PRKN: variants seen among roughly 807,000 people sequenced by gnomAD.
The protein encoded by PRKN is E3 ubiquitin-protein ligase parkin.
In PRKN, 56 loss-of-function variants were observed where a neutral mutation model predicts 59.5. That is an observed-to-expected ratio of 0.94 (90% confidence interval 0.76 to 1.18). PRKN has a LOEUF of 1.18. PRKN is among the 50% of genes most tolerant of loss of function. The probability of loss-of-function intolerance (pLI) is 0.00; values close to 1 mark genes in which losing one functional copy is unlikely to be tolerated. For missense variants in PRKN, 657 were observed against 596.4 expected (o/e 1.10, Z -1.06); for synonymous variants, 250 against 222.1 (o/e 1.13, Z -1.12).
chr6:161,354,428 C>T lies in PRKN; in HGVS notation c.1286-4217G>A, dbSNP rs1352783884. Among the ~76,000 whole-genome samples, 18 of 152,178 alleles carry T rather than the reference C, an allele frequency of 1.2e-4. No homozygotes were observed. The highest frequency in any genetic ancestry group is 1.2e-3 in the Admixed American group (18 of 15,282). On this transcript the variant is annotated intron_variant, in intron 11 of 11. Coordinates refer to ENST00000366898, the MANE Select transcript of PRKN (RefSeq NM_004562.3). This position sits in a 1 kb window ranked among gnomAD's most constrained non-coding sequence, Gnocchi z 6.7. ...TCGTGGCTCCGGCCAGCAATTCTTC[C>T]ACTAGATTTAATGAGAGCGTGGAAG...
rs139719514 is a variant in PRKN, at chr6:162,552,297, G to A, written c.8-108824C>T. 6.3e-4 allele frequency among the ~76,000 whole-genome samples: 96 copies of A among 152,174 alleles called. No homozygotes were observed. The East Asian group carries it at 0.018, about 29-fold the overall frequency. ...AGTGCAATGTAGGGGGAAAAAACGG[G>A]GTTTTAGCAGGAAAGTGAAGGGACC... On this transcript the variant is annotated intron_variant, in intron 1 of 11. Transcript: ENST00000366898.
intron 2 of PRKN, among the ~76,000 whole-genome samples, chr6:162,276,921 T>C (rs1256058020): frequency 6.6e-6 from 1 of 152,048 alleles, no homozygotes; most frequent in Non-Finnish European, 1.5e-5. Flanking sequence ...GAGGTCCCAC[T>C]GGCCAAGTTT....
Position 161,360,783 on chromosome 6 carries a change from G to A in PRKN, c.1168-578C>T, listed in dbSNP as rs1784946742. On this transcript the variant is annotated intron_variant, in intron 10 of 11. Coordinates refer to ENST00000366898, the MANE Select transcript of PRKN (RefSeq NM_004562.3). This position sits in a 1 kb window ranked among gnomAD's most constrained non-coding sequence, Gnocchi z 5.1. Reference sequence around the variant, plus strand: ...AAATGAAGTCGATGTGCCAGAGAGGGCAGTGGGAGCTGTGAGTGAAGACTG... The same window carrying A: ...AAATGAAGTCGATGTGCCAGAGAGGACAGTGGGAGCTGTGAGTGAAGACTG... Among the ~76,000 whole-genome samples, 1 of 152,222 alleles carries A rather than the reference G, an allele frequency of 6.6e-6. No homozygotes were observed. The highest frequency in any genetic ancestry group is 2.4e-5 in the African/African-American group (1 of 41,460).
chr6:161,651,528 T>C (rs999662081), intron 7 of PRKN, among the ~76,000 whole-genome samples: 16 of 152,194 alleles, frequency 1.1e-4, no homozygotes, highest in Admixed American at 9.8e-4. Context: ...ATGATATCTT[T>C]AGGGTTTATC....
intron 6 of PRKN, among the ~76,000 whole-genome samples, chr6:161,795,795 C>T (rs1483476042): frequency 6.6e-6 from 1 of 151,616 alleles, no homozygotes; most frequent in Non-Finnish European, 1.5e-5. Flanking sequence ...CAAACTAAGG[C>T]CGAAAAAGCA....
intron 7 of PRKN, among the ~76,000 whole-genome samples, chr6:161,736,405 T>C (rs1390912210): frequency 6.6e-6 from 1 of 152,210 alleles, no homozygotes; most frequent in East Asian, 1.9e-4. Flanking sequence ...AGATCATACA[T>C]GTAGAACACA....
chr6:161,701,199 C>T (rs1786237135), intron 7 of PRKN, among the ~76,000 whole-genome samples: 1 of 152,168 alleles, frequency 6.6e-6, no homozygotes. Context: ...GCTCACTGTG[C>T]AGGAAAGAGT....
At chr6:161,781,439 T>A (rs1197365278) in intron 7 of PRKN, among the ~76,000 whole-genome samples, 1 of 152,138 alleles carries the variant, frequency 6.6e-6, no homozygotes, top group African/African-American at 2.4e-5. Context: ...CAAGAGTGCA[T>A]AAGATTCTGA....
chr6:162,619,672 T>C (rs1782575257), intron 1 of PRKN, among the ~76,000 whole-genome samples: 1 of 150,134 alleles, frequency 6.7e-6, no homozygotes, highest in Non-Finnish European at 1.5e-5. Context: ...AAAGTAATAA[T>C]ACAGAAGTGT....
At chr6:162,553,356 C>T (rs7751892) in intron 1 of PRKN, among the ~76,000 whole-genome samples, 1,873 of 150,920 alleles carry the variant, frequency 0.012, 48 homozygotes, top group African/African-American at 0.043. Context: ...AGTGAGCAGC[C>T]GGAAAGAAAG....
intron 8 of PRKN, among the ~76,000 whole-genome samples, chr6:161,565,252 G>C (rs1055299781): frequency 6.6e-6 from 1 of 151,958 alleles, no homozygotes; most frequent in African/African-American, 2.4e-5. Flanking sequence ...CTGCATCTGT[G>C]CCTACACAGA....
chr6:161,753,836 T>C (rs1460537975), intron 7 of PRKN, among the ~76,000 whole-genome samples: 4 of 152,150 alleles, frequency 2.6e-5, no homozygotes, highest in South Asian at 4.1e-4. Flanking sequence ...TTCTGATAGT[T>C]TCTACTTTAT....
chr6:161,716,467 A>G (rs1188493847), intron 7 of PRKN, among the ~76,000 whole-genome samples: 1 of 152,176 alleles, frequency 6.6e-6, no homozygotes, highest in Non-Finnish European at 1.5e-5. Flanking sequence ...ATGAACAAAA[A>G]AAATGCTCTT....
Position 161,402,592 on chromosome 6 carries a change from C to T in PRKN, c.1084-15715G>A, listed in dbSNP as rs1712930211. ...TTGGCTGGGCTATTGATTAAAATGG[C>T]ATATAAACAGATTAACAGGAGAAAG... On this transcript the variant is annotated intron_variant, in intron 9 of 11. Transcript: ENST00000366898. The surrounding 1 kb of genome is among the most constrained non-coding windows in gnomAD (Gnocchi z 4.5). 6.6e-6 allele frequency among the ~76,000 whole-genome samples: 1 copy of T among 151,956 alleles called. No individual in the cohort carries two copies. The highest frequency in any genetic ancestry group is 2.4e-5 in the African/African-American group (1 of 41,332).
intron 7 of PRKN, among the ~76,000 whole-genome samples, chr6:161,759,070 A>T (rs760337988): frequency 6.4e-4 from 98 of 152,046 alleles, no homozygotes; most frequent in Non-Finnish European, 1.2e-3. Flanking sequence ...CCAGCTACTC[A>T]GGAGGCTGAG....
At chr6:161,808,931 C>T (rs1287198297) in intron 6 of PRKN, among the ~76,000 whole-genome samples, 3 of 152,078 alleles carry the variant, frequency 2.0e-5, no homozygotes, top group Non-Finnish European at 4.4e-5. Context: ...GCCTCAAACT[C>T]CTGAGCTCAA....
At chr6:162,238,265 G>C (rs1778826697) in intron 3 of PRKN, among the ~76,000 whole-genome samples, 1 of 152,154 alleles carries the variant, frequency 6.6e-6, no homozygotes, top group Non-Finnish European at 1.5e-5. Context: ...GCAGTATTCA[G>C]TACAGAAACA....
In PRKN at chr6:162,374,150, C is replaced by G. The variant is rs540955912; in HGVS notation, c.171+69160G>C. Among the ~76,000 whole-genome samples, 153 of 152,282 alleles carry G rather than the reference C, an allele frequency of 1.0e-3. 1 individual carries two copies. The highest frequency in any genetic ancestry group is 3.4e-3 in the African/African-American group (143 of 41,574). On this transcript the variant is annotated intron_variant, in intron 2 of 11. Transcript: ENST00000366898. ...GCTAAATTTGCTTTAACAATTCTCT[C>G]TTTATGGTCAACCTCCAAAAATCAT... is the stretch of plus-strand genomic sequence containing the variant.
intron 4 of PRKN, among the ~76,000 whole-genome samples, chr6:162,200,395 C>T (rs920605603): frequency 6.6e-6 from 1 of 152,152 alleles, no homozygotes; most frequent in Non-Finnish European, 1.5e-5. Flanking sequence ...TTCCCAGCTA[C>T]TCCACTCTGC....
Sources: allele counts gnomAD v4.1 joint callset (sites outside exome capture counted in the v4.1 genomes callset), GRCh38; gene constraint gnomAD v4.1.1; non-coding constraint Gnocchi (gnomAD v3.1); transcripts MANE v1.5; gene names NCBI Gene and HGNC (gene_info 2026-07-23, HGNC 2026-07-21).